Variants in HKDC1 observed in about 807,000 individuals in gnomAD.
The protein encoded by HKDC1 is hexokinase HKDC1.
HKDC1 carries 66 observed loss-of-function variants against 96.6 expected under a neutral mutation model. The observed-to-expected ratio is 0.68, with a 90% CI of 0.56 to 0.84. The LOEUF (loss-of-function observed/expected upper bound fraction) is 0.84, where lower values mean the gene tolerates loss of function less well. Among genes scored for constraint, HKDC1 ranks in the 40% least tolerant of loss-of-function variants. The probability of loss-of-function intolerance (pLI) is 0.00; values close to 1 mark genes in which losing one functional copy is unlikely to be tolerated. For synonymous variants in HKDC1, 466 were observed against 473.1 expected (o/e 0.98, Z 0.20); for missense variants, 1,211 against 1,208.1 (o/e 1.00, Z -0.04).
chr10:69,266,543 A>T, intron 17 of HKDC1, 67 bp from the exon 18 acceptor site: 5 of 1,524,588 alleles, frequency 3.3e-6, no homozygotes, highest in Non-Finnish European at 3.6e-6. Flanking sequence ...AAATTAGATT[A>T]TGATCATTTA....
intron 7 of HKDC1, among the ~76,000 whole-genome samples, chr10:69,243,744 G>A (rs572991789): frequency 1.7e-4 from 26 of 152,042 alleles, no homozygotes; most frequent in African/African-American, 3.6e-4. Context: ...CAATCCTCCC[G>A]CCTCAGCCTC....
At chr10:69,257,251 C>A in intron 13 of HKDC1, 76 bp from the exon 14 acceptor site, 2 of 1,458,460 alleles carry the variant, frequency 1.4e-6, no homozygotes, top group Non-Finnish European at 1.9e-6. Flanking sequence ...ATAACATGCC[C>A]CTCCTAAACC....
chr10:69,265,635 TGGACAGCACGTGTGA>T lies in HKDC1; in HGVS notation c.2432_2446del (p.Thr811_Ser815del), dbSNP rs1843884046. The T allele has an allele frequency of 3.1e-6, 5 of 1,613,946 alleles. No individual in the cohort carries two copies. Among genetic ancestry groups the T allele is most frequent in the Non-Finnish European group, 4.2e-6 (5 of 1,179,948 alleles). ...AGGAGGATTCTGCAGCAGCTGGGCCTGGACAGCACGTGTGAGGACAGCATCGTGGTGAAGGAGGTG... is the reference window on the plus strand; with the variant it reads ...AGGAGGATTCTGCAGCAGCTGGGCCTGGACAGCATCGTGGTGAAGGAGGTG... On this transcript the variant is annotated inframe_deletion, in exon 17 of 18. Transcript: ENST00000354624.
chr10:69,243,099 G>A, intron 6 of HKDC1, 83 bp from the exon 7 acceptor site: 1 of 1,374,312 alleles, frequency 7.3e-7, no homozygotes, highest in Admixed American at 1.7e-5. Context: ...ACATTGAGGA[G>A]GACTCCCCAG....
intron 9 of HKDC1, 141 bp from the exon 10 acceptor site, chr10:69,248,283 T>C: frequency 2.5e-6 from 2 of 790,748 alleles, no homozygotes; most frequent in Non-Finnish European, 3.9e-6. Flanking sequence ...TCTCATCCCC[T>C]CCCCTCCCTA....
chr10:69,251,053 GA>G (rs1843634596), intron 12 of HKDC1, among the ~76,000 whole-genome samples: 1 of 146,496 alleles, frequency 6.8e-6, no homozygotes, highest in African/African-American at 2.5e-5. Flanking sequence ...TCTGATGAAA[GA>G]AATCTTGCCA....
intron 1 of HKDC1, among the ~76,000 whole-genome samples, chr10:69,222,251 G>T (rs1180962509): frequency 1.3e-5 from 2 of 152,060 alleles, no homozygotes; most frequent in African/African-American, 4.8e-5. Flanking sequence ...GAGAGAGGAA[G>T]TGTGGCCCCT....
intron 12 of HKDC1, among the ~76,000 whole-genome samples, chr10:69,251,374 G>A (rs1843641767): frequency 6.6e-6 from 1 of 152,102 alleles, no homozygotes; most frequent in African/African-American, 2.4e-5. Flanking sequence ...AGGATTACAG[G>A]TGTGAGCCAC....
chr10:69,238,911 A>T (rs564459780), intron 4 of HKDC1, 131 bp from the exon 5 acceptor site: 29 of 566,746 alleles, frequency 5.1e-5, no homozygotes, highest in African/African-American at 4.3e-4. Flanking sequence ...GCAATGTTTT[A>T]AAAAAATTGG....
At chr10:69,262,125 A>T (rs1843819558) in intron 16 of HKDC1, 1 of 421,856 alleles carries the variant, frequency 2.4e-6, no homozygotes, top group Non-Finnish European at 4.7e-6. Flanking sequence ...AATGGTGATG[A>T]TTCCTGCAGT....
chr10:69,267,337 C>T lies in HKDC1; in HGVS notation c.*580C>T, dbSNP rs937680257. 2.7e-6 allele frequency: 1 copy of T among 370,654 alleles called. No homozygotes were observed. The allele number at this position is 370,654 out of a possible 1,614,324, so 23.0% of individuals were successfully genotyped here. A position where few individuals can be genotyped will look rare whatever the true frequency, so the allele number is the denominator to read the frequency against. Reference sequence around the variant, plus strand: ...TGCAGAGAGGTTGATTGCCAGGGAGCACTGCAGGAATCATTGCATGCTTAA... The same window carrying T: ...TGCAGAGAGGTTGATTGCCAGGGAGTACTGCAGGAATCATTGCATGCTTAA... On this transcript the variant is annotated 3_prime_UTR_variant, in exon 18 of 18. Coordinates refer to ENST00000354624, the MANE Select transcript of HKDC1 (RefSeq NM_025130.4).
chr10:69,244,270 G>A (rs773263578), intron 7 of HKDC1, among the ~76,000 whole-genome samples: 1 of 152,086 alleles, frequency 6.6e-6, no homozygotes, highest in Non-Finnish European at 1.5e-5. Context: ...AGACGTTCCC[G>A]GCTCATGTCG....
intron 6 of HKDC1, among the ~76,000 whole-genome samples, chr10:69,242,879 T>C (rs1240434967): frequency 1.3e-5 from 2 of 152,252 alleles, no homozygotes; most frequent in Non-Finnish European, 2.9e-5. Flanking sequence ...ATTATCTTCA[T>C]TTGTCCTCTT....
intron 2 of HKDC1, among the ~76,000 whole-genome samples, chr10:69,229,176 A>G (rs1211414318): frequency 6.6e-6 from 1 of 152,178 alleles, no homozygotes; most frequent in African/African-American, 2.4e-5. Flanking sequence ...GTGAAAGAGC[A>G]CTGGGGCTCT....
intron 15 of HKDC1, among the ~76,000 whole-genome samples, chr10:69,259,746 G>A (rs1311090049): frequency 6.6e-6 from 1 of 152,164 alleles, no homozygotes; most frequent in Non-Finnish European, 1.5e-5. Context: ...GGCTGGAGAA[G>A]GAGGAAGAAA....
intron 2 of HKDC1, among the ~76,000 whole-genome samples, chr10:69,230,518 C>T (rs545302680): frequency 1.3e-5 from 2 of 152,306 alleles, no homozygotes; most frequent in East Asian, 1.9e-4. Context: ...CAGTGACTTA[C>T]GAGAAGGGAA....
intron 15 of HKDC1, among the ~76,000 whole-genome samples, chr10:69,259,369 A>G (rs1270210304): frequency 1.3e-5 from 2 of 152,198 alleles, no homozygotes; most frequent in Non-Finnish European, 2.9e-5. Flanking sequence ...CCTGTGATGG[A>G]TGAGAGTGCT....
chr10:69,265,415 C>G (rs1843879534), intron 16 of HKDC1, 170 bp from the exon 17 acceptor site: 2 of 633,680 alleles, frequency 3.2e-6, no homozygotes, highest in Admixed American at 3.0e-5. Context: ...GGGTGGTGGA[C>G]CTTCTTGAGT....
rs768044122 is a variant in HKDC1 at position 69,243,314 on chromosome 10, C to A, written c.824C>A (p.Thr275Asn). 2 of 1,611,982 alleles carry A rather than the reference C, an allele frequency of 1.2e-6. No individual in the cohort carries two copies. Among genetic ancestry groups the A allele is most frequent in the East Asian group, 4.5e-5 (2 of 44,846 alleles). ...GACGGGGCCCTGGAGGACATTCGCACTGAGTTCGACAGGGAGCTGGACCTC... is the reference window on the plus strand; with the variant it reads ...GACGGGGCCCTGGAGGACATTCGCAATGAGTTCGACAGGGAGCTGGACCTC... ...GDDGALEDIR[T>N]EFDRELDLGS... Residue 275 changes from threonine (T) to asparagine (N), a missense_variant, in exon 7 of 18, where the codon ACT becomes AAT. Thr to Asn is a moderately conservative substitution (Grantham distance 65). Coordinates refer to ENST00000354624, the MANE Select transcript of HKDC1 (RefSeq NM_025130.4).
Sources: gnomAD v4.1 joint callset for allele counts (sites outside exome capture counted in the v4.1 genomes callset) on GRCh38, gnomAD v4.1.1 for gene constraint, MANE v1.5 for transcripts, NCBI Gene and HGNC (gene_info 2026-07-23, HGNC 2026-07-21) for gene names.